Variants in OPRM1 observed in about 807,000 individuals in gnomAD.
The protein encoded by OPRM1 is opioid receptor mu 1, also known as mu-type opioid receptor.
In OPRM1, 27 loss-of-function variants were observed where a neutral mutation model predicts 31.8. That is an observed-to-expected ratio of 0.85 (90% CI 0.63 to 1.17). The LOEUF (loss-of-function observed/expected upper bound fraction) is 1.17. Among genes scored for constraint, OPRM1 ranks in the 50% most tolerant of loss-of-function variants. The probability of loss-of-function intolerance (pLI) is 0.00; values close to 1 mark genes in which losing one functional copy is unlikely to be tolerated. For synonymous variants in OPRM1, 196 were observed against 189.9 expected (o/e 1.03, Z -0.26); for missense variants, 536 against 511.1 (o/e 1.05, Z -0.47).
Position 154,030,741 on chromosome 6 carries a change from G to A in OPRM1, c.1-8420G>A, listed in dbSNP as rs528648912. Reference sequence around the variant, plus strand: ...CCCATCTCTACTAAAAATACAGAGAGATTAGAGAAGAAATTTGGGTAACAG... The same window carrying A: ...CCCATCTCTACTAAAAATACAGAGAAATTAGAGAAGAAATTTGGGTAACAG... On this transcript the variant is annotated intron_variant, in intron 1 of 5. Transcript: ENST00000434900. Among the ~76,000 whole-genome samples, 102 of 152,186 alleles carry A rather than the reference G, an allele frequency of 6.7e-4. 1 individual carries two copies. Among genetic ancestry groups the A allele is most frequent in the Middle Eastern group, 6.8e-3 (2 of 294 alleles).
At chr6:154,230,217 T>G (rs913758880) in intron 3 of OPRM1, among the ~76,000 whole-genome samples, 1 of 152,226 alleles carries the variant, frequency 6.6e-6, no homozygotes, top group African/African-American at 2.4e-5. Flanking sequence ...ACATAAAATG[T>G]ACCTTAATAA....
chr6:154,057,706 C>T (rs1345422895), intron 1 of OPRM1, among the ~76,000 whole-genome samples: 1 of 152,058 alleles, frequency 6.6e-6, no homozygotes, highest in African/African-American at 2.4e-5. Context: ...GTAAGGATAT[C>T]GGCACAGAAG....
chr6:154,189,695 G>A (rs755459138), intron 3 of OPRM1, among the ~76,000 whole-genome samples: 33 of 151,882 alleles, frequency 2.2e-4, no homozygotes, highest in Non-Finnish European at 3.2e-4. Flanking sequence ...CGGGCCAGGC[G>A]CGGTGGCTGA....
upstream of OPRM1, among the ~76,000 whole-genome samples, chr6:154,038,233 G>C (rs1779435413): frequency 6.6e-6 from 1 of 151,998 alleles, no homozygotes; most frequent in African/African-American, 2.4e-5. Flanking sequence ...CTGAGGACAT[G>C]TATTTTCAAT....
chr6:154,203,837 G>C (rs552378639), intron 3 of OPRM1, among the ~76,000 whole-genome samples: 1 of 152,270 alleles, frequency 6.6e-6, no homozygotes, highest in East Asian at 1.9e-4. Flanking sequence ...GTGAAGAAAA[G>C]CGCCCCAGAG....
chr6:154,080,430 C>G (rs1425695816), intron 1 of OPRM1, among the ~76,000 whole-genome samples: 1 of 152,184 alleles, frequency 6.6e-6, no homozygotes, highest in African/African-American at 2.4e-5. Context: ...AAAACCAGAT[C>G]CTCTACTTAC....
At chr6:154,176,670 G>A (rs1800360381) in intron 3 of OPRM1, among the ~76,000 whole-genome samples, 3 of 152,200 alleles carry the variant, frequency 2.0e-5, no homozygotes, top group Admixed American at 2.0e-4. Flanking sequence ...AAATAAAAGA[G>A]GTCACAAACA....
intron 3 of OPRM1, among the ~76,000 whole-genome samples, chr6:154,197,689 A>C (rs559181187): frequency 1.9e-4 from 29 of 152,218 alleles, no homozygotes; most frequent in Non-Finnish European, 3.2e-4. Flanking sequence ...AGCCAGGAAC[A>C]AGGACTGTTG....
intron 1 of OPRM1, among the ~76,000 whole-genome samples, chr6:154,025,942 A>T (rs1778670917): frequency 6.6e-6 from 1 of 152,178 alleles, no homozygotes; most frequent in African/African-American, 2.4e-5. Context: ...TTTGTTATTT[A>T]TTCCTTCTAC....
chr6:154,152,512 G>A (rs1798566856), intron 3 of OPRM1, among the ~76,000 whole-genome samples: 1 of 152,020 alleles, frequency 6.6e-6, no homozygotes, highest in African/African-American at 2.4e-5. Flanking sequence ...TGGGGGAAGA[G>A]GCTGCAGACT....
intron 3 of OPRM1, among the ~76,000 whole-genome samples, chr6:154,239,586 C>T (rs1441560925): frequency 1.3e-5 from 2 of 152,226 alleles, no homozygotes; most frequent in Non-Finnish European, 2.9e-5. Flanking sequence ...ACGTTTTGCC[C>T]TGTCCAGACA....
intron 3 of OPRM1, among the ~76,000 whole-genome samples, chr6:154,214,906 C>T (rs1424150290): frequency 6.6e-6 from 1 of 152,194 alleles, no homozygotes; most frequent in African/African-American, 2.4e-5. Flanking sequence ...GAGACAGAAA[C>T]TCAAACTTGG....
In OPRM1 at chr6:154,091,270, A is replaced by C; in HGVS notation, c.962A>C (p.His321Pro). The C allele has an allele frequency of 6.2e-7, 1 of 1,614,140 alleles. No homozygotes were observed. The highest frequency in any genetic ancestry group is 1.1e-5 in the South Asian group (1 of 91,084). Residue 321 changes from histidine (H) to proline (P), a missense_variant, in exon 3 of 4, where the codon CAC becomes CCC. Physicochemically the swap from His to Pro is moderately conservative, Grantham distance 77. Transcript: ENST00000330432. ...ACTACGTTCCAGACTGTTTCTTGGC[A>C]CTTCTGCATTGCTCTAGGTTACACA... ...PETTFQTVSWHFCIALGYTNS... is the reference protein window; with the variant it reads ...PETTFQTVSWPFCIALGYTNS...
At chr6:154,135,772 G>A (rs1358268569), downstream of OPRM1, among the ~76,000 whole-genome samples, 6 of 152,150 alleles carry the variant, frequency 3.9e-5, no homozygotes, top group Non-Finnish European at 5.9e-5. Context: ...GTAGCTGTAG[G>A]CACCACTCGA....
chr6:154,184,541 GTA>G (rs560871740), intron 3 of OPRM1, among the ~76,000 whole-genome samples: 65 of 150,888 alleles, frequency 4.3e-4, no homozygotes, highest in Middle Eastern at 3.4e-3. Context: ...GTATGTGTAT[GTA>G]TATATATATA....
intron 1 of OPRM1, among the ~76,000 whole-genome samples, chr6:154,054,107 C>T (rs1398467005): frequency 2.0e-5 from 3 of 151,972 alleles, no homozygotes; most frequent in African/African-American, 7.3e-5. Flanking sequence ...CGGTGGCTCA[C>T]GCCTGTAATC....
intron 1 of OPRM1, among the ~76,000 whole-genome samples, chr6:154,053,459 A>T (rs1005032295): frequency 2.0e-5 from 3 of 151,846 alleles, no homozygotes; most frequent in African/African-American, 7.3e-5. Flanking sequence ...TTGCTCATTT[A>T]AAAAAAATGT....
At chr6:154,244,260 C>T (rs975390465) in intron 3 of OPRM1, among the ~76,000 whole-genome samples, 8 of 151,460 alleles carry the variant, frequency 5.3e-5, no homozygotes, top group Non-Finnish European at 1.2e-4. Flanking sequence ...TTTTTTCCCT[C>T]ACAGTAAACA....
At chr6:154,057,585 G>A (rs1783559924) in intron 1 of OPRM1, among the ~76,000 whole-genome samples, 2 of 152,162 alleles carry the variant, frequency 1.3e-5, no homozygotes, top group Admixed American at 1.3e-4. Context: ...CAAGATAGTA[G>A]TGAGTGGAAA....
Sources: allele counts gnomAD v4.1 joint callset (sites outside exome capture counted in the v4.1 genomes callset), GRCh38; gene constraint gnomAD v4.1.1; transcripts MANE v1.5; gene names NCBI Gene and HGNC (gene_info 2026-07-23, HGNC 2026-07-21).